The following ST18 variants were observed in gnomAD, a reference collection of about 807,000 sequenced individuals.
The protein encoded by ST18 is suppression of tumorigenicity 18 protein.
A neutral mutation model predicts 110.0 loss-of-function variants in ST18; 50 were observed. The observed-to-expected ratio is 0.45, with a 90% CI of 0.36 to 0.58. ST18 has a LOEUF of 0.58. ST18 is among the 20% of genes least tolerant of loss of function. The probability of loss-of-function intolerance (pLI) is 0.00; values close to 1 mark genes in which losing one functional copy is unlikely to be tolerated. For synonymous variants in ST18, 461 were observed against 452.4 expected (o/e 1.02, Z -0.24); for missense variants, 1,306 against 1,280.1 (o/e 1.02, Z -0.31).
In ST18 at chr8:52,300,720, A is replaced by T. The variant is rs1484786851; in HGVS notation, c.-464-70643T>A. Among the ~76,000 whole-genome samples the T allele has an allele frequency of 2.0e-5, 3 of 152,348 alleles. No homozygotes were observed. In the East Asian group the frequency reaches 5.8e-4, roughly 29 times the overall value. ...TATAGGAACCCAGCCATACTCATTC[A>T]TTTACGTCCTGTCACTGGCTGCTTT... On this transcript the variant is annotated intron_variant, in intron 2 of 25. Coordinates refer to ENST00000689386, the MANE Select transcript of ST18 (RefSeq NM_001352837.2).
intron 8 of ST18, among the ~76,000 whole-genome samples, chr8:52,198,794 A>G (rs2077001574): frequency 6.6e-6 from 1 of 152,242 alleles, no homozygotes; most frequent in African/African-American, 2.4e-5. Flanking sequence ...CTGATAGAGA[A>G]GCACTCAACT....
chr8:52,143,570 A>G (rs2056124362), intron 16 of ST18, among the ~76,000 whole-genome samples: 1 of 152,230 alleles, frequency 6.6e-6, no homozygotes, highest in Non-Finnish European at 1.5e-5. Context: ...AAGAATGAAA[A>G]AGTGTAATTG....
rs377749891 is a variant in ST18, at chr8:52,214,139, A to G, written c.55+64T>C. 30 of 1,497,450 alleles carry G rather than the reference A, an allele frequency of 2.0e-5. No individual in the cohort carries two copies. In the African/African-American group the frequency reaches 3.6e-4, roughly 18 times the overall value. 92.8% of individuals were successfully genotyped at this position (1,497,450 alleles called of 1,614,324 possible). A position where few individuals can be genotyped will look rare whatever the true frequency, so the allele number is the denominator to read the frequency against. ...TCTGACTGCACACGAGGGACTGAGC[A>G]CTGGAACGCTCATATTTCATGGTGT... On this transcript the variant is annotated intron_variant, in intron 7 of 25. Transcript: ENST00000689386.
chr8:52,118,525 T>C, intron 23 of ST18, 84 bp from the exon 24 acceptor site: 2 of 732,376 alleles, frequency 2.7e-6, no homozygotes, highest in South Asian at 2.6e-5. Flanking sequence ...ATTTGCTACT[T>C]GAAAATGAGA....
intron 6 of ST18, among the ~76,000 whole-genome samples, chr8:52,215,616 T>C (rs1052902430): frequency 6.6e-6 from 1 of 152,258 alleles, no homozygotes; most frequent in African/African-American, 2.4e-5. Context: ...CTGCCTTTGC[T>C]GAACAGCAGT....
intron 2 of ST18, among the ~76,000 whole-genome samples, chr8:52,328,329 A>G (rs1416895851): frequency 6.6e-6 from 1 of 152,228 alleles, no homozygotes; most frequent in African/African-American, 2.4e-5. Context: ...CATTAGTAGG[A>G]TGAAGAGACC....
chr8:52,395,704 T>A (rs1227191615), intron 2 of ST18, among the ~76,000 whole-genome samples: 2 of 152,206 alleles, frequency 1.3e-5, no homozygotes, highest in African/African-American at 4.8e-5. Flanking sequence ...TGACTTCATA[T>A]CCTGCCTGGC....
chr8:52,298,326 C>T (rs1487154076), intron 2 of ST18, among the ~76,000 whole-genome samples: 1 of 152,092 alleles, frequency 6.6e-6, no homozygotes, highest in East Asian at 1.9e-4. Context: ...ATGACACATT[C>T]AAAGCATGGA....
At chr8:52,352,728 C>T (rs1820950585) in intron 2 of ST18, among the ~76,000 whole-genome samples, 1 of 152,124 alleles carries the variant, frequency 6.6e-6, no homozygotes, top group Non-Finnish European at 1.5e-5. Context: ...GATAAATAAG[C>T]CCAGTGTGTT....
At chr8:52,220,580 T>C (rs2086256463) in intron 5 of ST18, 161 bp downstream of exon 5, 1 of 152,196 alleles carries the variant, frequency 6.6e-6, no homozygotes, top group Non-Finnish European at 1.5e-5. Context: ...GCTGTATTTC[T>C]GACAAAAATT....
chr8:52,356,989 G>A (rs555994923), intron 2 of ST18, among the ~76,000 whole-genome samples: 121 of 152,184 alleles, frequency 8.0e-4, no homozygotes, highest in African/African-American at 2.7e-3. Flanking sequence ...CCTGGGTGAT[G>A]AAATAATCTG....
At chr8:52,279,062 G>A (rs2095326478) in intron 2 of ST18, among the ~76,000 whole-genome samples, 1 of 152,026 alleles carries the variant, frequency 6.6e-6, no homozygotes. Flanking sequence ...AAATGAGTGA[G>A]GGACAGTAAA....
At chr8:52,295,710 C>CT (rs371927202) in intron 2 of ST18, among the ~76,000 whole-genome samples, 107,410 of 130,848 alleles carry the variant, frequency 0.82, 44,294 homozygotes, top group South Asian at 0.88. Context: ...TCTTTTTTTC[C>CT]TTTTTTTTTT....
chr8:52,275,256 A>T (rs1301409758), intron 2 of ST18, among the ~76,000 whole-genome samples: 1 of 152,242 alleles, frequency 6.6e-6, no homozygotes, highest in Non-Finnish European at 1.5e-5. Context: ...GAGTAAATAA[A>T]AACTTGTGAC....
intron 3 of ST18, among the ~76,000 whole-genome samples, chr8:52,222,450 G>T (rs2087195417): frequency 6.6e-6 from 1 of 152,204 alleles, no homozygotes; most frequent in Non-Finnish European, 1.5e-5. Context: ...AACCCCATCT[G>T]CCGTGGCTCC....
chr8:52,351,488 G>A (rs1240020978), intron 2 of ST18, among the ~76,000 whole-genome samples: 1 of 152,196 alleles, frequency 6.6e-6, no homozygotes, highest in Non-Finnish European at 1.5e-5. Context: ...CCCCATAGGA[G>A]CCCAATGCTT....
chr8:52,335,797 C>G (rs16917714), intron 2 of ST18, among the ~76,000 whole-genome samples: 3,084 of 152,186 alleles, frequency 0.02, 111 homozygotes, highest in African/African-American at 0.069. Flanking sequence ...GATTGGATAT[C>G]CTCTCTGTTC....
intron 2 of ST18, among the ~76,000 whole-genome samples, chr8:52,330,793 A>T (rs1223757956): frequency 6.6e-6 from 1 of 152,244 alleles, no homozygotes; most frequent in African/African-American, 2.4e-5. Context: ...ACTGAAGAGG[A>T]CAAGCTAGAA....
intron 23 of ST18, among the ~76,000 whole-genome samples, chr8:52,121,395 T>C (rs1177164021): frequency 6.6e-6 from 1 of 152,204 alleles, no homozygotes; most frequent in Non-Finnish European, 1.5e-5. Context: ...GGTGCTATTT[T>C]AGCCACAGGA....
Sources: allele counts gnomAD v4.1 joint callset (sites outside exome capture counted in the v4.1 genomes callset), GRCh38; gene constraint gnomAD v4.1.1; transcripts MANE v1.5; gene names NCBI Gene and HGNC (gene_info 2026-07-23, HGNC 2026-07-21).